The following IMMP2L variants were observed in gnomAD, a reference collection of about 807,000 sequenced individuals.
IMMP2L encodes the protein mitochondrial inner membrane protease subunit 2.
In IMMP2L, 18 loss-of-function variants were observed where a neutral mutation model predicts 19.3. That is an observed-to-expected ratio of 0.93 (90% CI 0.64 to 1.38). IMMP2L has a LOEUF of 1.38. Ranked by LOEUF, IMMP2L falls within the 40% of genes most tolerant of loss-of-function variation. The pLI, the probability that IMMP2L is intolerant of heterozygous loss-of-function variation, is 0.00. For missense variants in IMMP2L, 233 were observed against 218.2 expected (o/e 1.07, Z -0.43); for synonymous variants, 76 against 73.0 (o/e 1.04, Z -0.21).
intron 3 of IMMP2L, among the ~76,000 whole-genome samples, chr7:111,013,536 G>C (rs1043907941): frequency 2.0e-5 from 3 of 152,032 alleles, no homozygotes; most frequent in African/African-American, 7.2e-5. Flanking sequence ...GTAAGTGGGT[G>C]AACAGGAAGC....
At chr7:110,692,690 G>A (rs4727743) in intron 5 of IMMP2L, among the ~76,000 whole-genome samples, 61,423 of 151,972 alleles carry the variant, frequency 0.4, 13,755 homozygotes, top group East Asian at 0.69. Context: ...GATTATAGCT[G>A]TGGGGAAAAA....
At chr7:110,956,723 C>T (rs1308045001) in intron 4 of IMMP2L, among the ~76,000 whole-genome samples, 1 of 151,794 alleles carries the variant, frequency 6.6e-6, no homozygotes, top group Non-Finnish European at 1.5e-5. Context: ...CCACATGGAG[C>T]CCGAGATTCC....
intron 3 of IMMP2L, among the ~76,000 whole-genome samples, chr7:111,196,475 T>C (rs983520927): frequency 6.6e-6 from 1 of 152,146 alleles, no homozygotes; most frequent in African/African-American, 2.4e-5. Flanking sequence ...CATTGTAAAT[T>C]AGGAGATTAT....
chr7:111,059,436 TC>T (rs939926576), intron 3 of IMMP2L, among the ~76,000 whole-genome samples: 5 of 152,188 alleles, frequency 3.3e-5, no homozygotes, highest in African/African-American at 1.2e-4. Context: ...TTCTGATTGT[TC>T]TAGGGAAAAG....
intron 5 of IMMP2L, among the ~76,000 whole-genome samples, chr7:110,772,043 A>C (rs1475389205): frequency 6.6e-6 from 1 of 152,132 alleles, no homozygotes; most frequent in Non-Finnish European, 1.5e-5. Context: ...AGTAGTGAGG[A>C]AATCTAGCAG....
chr7:111,039,164 C>T (rs1361990923), intron 3 of IMMP2L, among the ~76,000 whole-genome samples: 2 of 152,162 alleles, frequency 1.3e-5, no homozygotes, highest in Non-Finnish European at 2.9e-5. Flanking sequence ...TATGAGTTCA[C>T]TGCATCTGTT....
chr7:111,443,119 A>C (rs1837911766), intron 3 of IMMP2L, among the ~76,000 whole-genome samples: 2 of 152,014 alleles, frequency 1.3e-5, no homozygotes, highest in South Asian at 4.1e-4. Flanking sequence ...GCATAGGTTG[A>C]TTTTATGTTT....
rs917862829 is a variant in IMMP2L, at chr7:111,350,620, G to A, written c.239+136618C>T. On this transcript the variant is annotated intron_variant, in intron 3 of 5. Transcript: ENST00000405709. ...ACAATAGCAGCTTTTATCTGAAGTC[G>A]TGTATTGATTCAGAGAAGGTTTCAG... Among the ~76,000 whole-genome samples the A allele has an allele frequency of 4.6e-5, 7 of 151,930 alleles. 1 individual carries two copies. Among genetic ancestry groups the A allele is most frequent in the South Asian group, 2.1e-4 (1 of 4,818 alleles).
chr7:110,936,866 G>A (rs191735379), intron 4 of IMMP2L, among the ~76,000 whole-genome samples: 1 of 152,278 alleles, frequency 6.6e-6, no homozygotes, highest in East Asian at 1.9e-4. Flanking sequence ...ATACTATGCA[G>A]CCATGAAAAA....
intron 3 of IMMP2L, among the ~76,000 whole-genome samples, chr7:111,283,460 G>C (rs995294844): frequency 1.3e-5 from 2 of 152,130 alleles, no homozygotes; most frequent in African/African-American, 4.8e-5. Context: ...AAACATGGAA[G>C]CAGCTTCCCA....
intron 5 of IMMP2L, among the ~76,000 whole-genome samples, chr7:110,672,956 G>T (rs1201321038): frequency 6.6e-6 from 1 of 152,200 alleles, no homozygotes; most frequent in East Asian, 1.9e-4. Context: ...TCTGGAGGAT[G>T]GTGGCCCTCT....
chr7:111,322,073 T>C (rs1038310975), intron 3 of IMMP2L, among the ~76,000 whole-genome samples: 1 of 151,974 alleles, frequency 6.6e-6, no homozygotes, highest in African/African-American at 2.4e-5. Context: ...TTTTGAACTT[T>C]TATAATTTCT....
At chr7:111,218,660 T>C (rs545339397) in intron 3 of IMMP2L, among the ~76,000 whole-genome samples, 62 of 152,188 alleles carry the variant, frequency 4.1e-4, no homozygotes, top group Admixed American at 4.0e-3. Flanking sequence ...ACCTAGTTCA[T>C]TACCAATAAG....
intron 3 of IMMP2L, among the ~76,000 whole-genome samples, chr7:111,255,427 A>T (rs1816596181): frequency 6.6e-6 from 1 of 152,172 alleles, no homozygotes; most frequent in East Asian, 1.9e-4. Flanking sequence ...TTACAAAAAC[A>T]TGCTCCACTT....
At chr7:110,787,918 C>A (rs1800192206) in intron 5 of IMMP2L, among the ~76,000 whole-genome samples, 1 of 151,792 alleles carries the variant, frequency 6.6e-6, no homozygotes, top group Non-Finnish European at 1.5e-5. Context: ...GAGAAGGTTT[C>A]TTCAAGGAGA....
At chr7:111,016,794 A>AATATATAATATATACTATATATT (rs1563162856) in intron 3 of IMMP2L, among the ~76,000 whole-genome samples, 2 of 72,326 alleles carry the variant, frequency 2.8e-5, no homozygotes, top group Admixed American at 5.5e-4. Flanking sequence ...TATACTATAT[A>AATATATAATATATACTATATATT]ATATATAATA....
intron 3 of IMMP2L, among the ~76,000 whole-genome samples, chr7:111,469,806 A>T (rs1264223816): frequency 6.6e-6 from 1 of 152,164 alleles, no homozygotes; most frequent in Non-Finnish European, 1.5e-5. Context: ...TTCAGGACAT[A>T]GGCATGGGCA....
chr7:111,056,950 T>C (rs961105302), intron 3 of IMMP2L, among the ~76,000 whole-genome samples: 9 of 152,064 alleles, frequency 5.9e-5, no homozygotes, highest in South Asian at 2.1e-4. Flanking sequence ...TGCTCAAGGG[T>C]CAACTGTATA....
chr7:111,290,395 A>G (rs1338866896), intron 3 of IMMP2L, among the ~76,000 whole-genome samples: 1 of 152,194 alleles, frequency 6.6e-6, no homozygotes. Flanking sequence ...CTGCCTATAT[A>G]CTTGGTAAAT....
Sources: allele counts gnomAD v4.1 joint callset (sites outside exome capture counted in the v4.1 genomes callset), GRCh38; gene constraint gnomAD v4.1.1; transcripts MANE v1.5; gene names NCBI Gene and HGNC (gene_info 2026-07-23, HGNC 2026-07-21).